Variants in LDB2 observed in about 807,000 individuals in gnomAD.
LDB2 encodes LIM domain binding 2, also known as LIM domain-binding protein 2.
In LDB2, 12 loss-of-function variants were observed where a neutral mutation model predicts 44.3. That is an observed-to-expected ratio of 0.27 (90% CI 0.17 to 0.44). The LOEUF (loss-of-function observed/expected upper bound fraction) is 0.44, where lower values mean the gene tolerates loss of function less well. Among genes scored for constraint, LDB2 ranks in the 20% least tolerant of loss-of-function variants. LDB2 has a pLI of 1.00. For missense variants in LDB2, 344 were observed against 473.5 expected (o/e 0.73, Z 2.54); for synonymous variants, 164 against 174.8 (o/e 0.94, Z 0.49).
Position 16,802,836 on chromosome 4 carries a change from G to T in LDB2, c.133-43576C>A, listed in dbSNP as rs200787540. Among the ~76,000 whole-genome samples the T allele has an allele frequency of 1.1e-4, 17 of 152,236 alleles. No individual in the cohort carries two copies. In the East Asian group the frequency reaches 2.7e-3, roughly 24 times the overall value. On this transcript the variant is annotated intron_variant, in intron 1 of 7. Transcript: ENST00000304523. ...GCTCTAAGGGCTCGTATTAGCTCCT[G>T]ACGACCAGGATCATTAATTTCAGAC...
chr4:16,684,808 G>A (rs1748815974), intron 2 of LDB2, among the ~76,000 whole-genome samples: 1 of 152,176 alleles, frequency 6.6e-6, no homozygotes, highest in Admixed American at 6.5e-5. Flanking sequence ...ATTAACTAAA[G>A]CAGGGGCTGG....
chr4:16,614,510 A>C (rs1192881054), intron 2 of LDB2, among the ~76,000 whole-genome samples: 3 of 151,838 alleles, frequency 2.0e-5, no homozygotes, highest in Non-Finnish European at 2.9e-5. Flanking sequence ...GAAGTTTTGC[A>C]ATCTATCCCT....
At chr4:16,639,317 G>A (rs548172868) in intron 2 of LDB2, among the ~76,000 whole-genome samples, 49 of 152,296 alleles carry the variant, frequency 3.2e-4, no homozygotes, top group African/African-American at 1.2e-3. Flanking sequence ...TAGCATGGGC[G>A]TGACTTGGCT....
At chr4:16,584,627 A>G (rs986603945) in intron 5 of LDB2, among the ~76,000 whole-genome samples, 1 of 152,200 alleles carries the variant, frequency 6.6e-6, no homozygotes, top group Admixed American at 6.5e-5. Flanking sequence ...ACCTCGAAAC[A>G]CTACTCCCTA....
intron 2 of LDB2, among the ~76,000 whole-genome samples, chr4:16,606,034 C>T (rs1025339502): frequency 6.6e-6 from 1 of 152,184 alleles, no homozygotes; most frequent in Admixed American, 6.5e-5. Context: ...CCACCCTATA[C>T]CCACCAATCT....
chr4:16,860,290 T>C (rs1193008517), intron 1 of LDB2, among the ~76,000 whole-genome samples: 1 of 152,230 alleles, frequency 6.6e-6, no homozygotes, highest in African/African-American at 2.4e-5. Context: ...GCACCATAAA[T>C]GCATTTTCAG....
chr4:16,618,428 C>T (rs1727959641), intron 2 of LDB2, among the ~76,000 whole-genome samples: 1 of 152,182 alleles, frequency 6.6e-6, no homozygotes, highest in Non-Finnish European at 1.5e-5. Context: ...TCAGGGCACC[C>T]AGCACCTAAT....
chr4:16,666,420 G>A (rs6449262), intron 2 of LDB2, among the ~76,000 whole-genome samples: 124,903 of 152,116 alleles, frequency 0.82, 51,478 homozygotes, highest in Middle Eastern at 0.91. Flanking sequence ...CCAAACTGCA[G>A]CCTCACAACG....
At chr4:16,875,259 T>A (rs9993651) in intron 1 of LDB2, among the ~76,000 whole-genome samples, 10,798 of 152,230 alleles carry the variant, frequency 0.071, 1,277 homozygotes, top group African/African-American at 0.24. Context: ...TTTCTGGGGC[T>A]GGCAAAATCT....
At chr4:16,717,192 T>G (rs554908732) in intron 2 of LDB2, among the ~76,000 whole-genome samples, 3 of 148,414 alleles carry the variant, frequency 2.0e-5, no homozygotes, top group South Asian at 2.2e-4. Context: ...ATAATAATGA[T>G]GATGAGGAGG....
In LDB2 at chr4:16,660,307, T is replaced by C. The variant is rs565741126; in HGVS notation, c.236-64432A>G. ...GGCTGAACACAAAACTCATATTTTG[T>C]ACTGGCCATCAAGGGGCCTTAGGCA... On this transcript the variant is annotated intron_variant, in intron 2 of 7. Transcript: ENST00000304523. Among the ~76,000 whole-genome samples the C allele has an allele frequency of 2.0e-5, 3 of 152,316 alleles. No individual in the cohort carries two copies. In the East Asian group the frequency reaches 5.8e-4, roughly 29 times the overall value.
chr4:16,628,129 G>A (rs1730819981), intron 2 of LDB2, among the ~76,000 whole-genome samples: 1 of 152,196 alleles, frequency 6.6e-6, no homozygotes, highest in Admixed American at 6.5e-5. Context: ...TGGGTGCAGT[G>A]AAACTGGATG....
chr4:16,575,422 A>G (rs1021594951), intron 5 of LDB2, among the ~76,000 whole-genome samples: 2 of 152,210 alleles, frequency 1.3e-5, no homozygotes, highest in Non-Finnish European at 2.9e-5. Flanking sequence ...GTAAGGAAAC[A>G]TTGAACTTAA....
intron 1 of LDB2, among the ~76,000 whole-genome samples, chr4:16,895,024 A>C (rs1484600948): frequency 5.9e-5 from 9 of 151,936 alleles, no homozygotes; most frequent in Non-Finnish European, 1.0e-4. Context: ...CGTAGTGCCA[A>C]CATGAAGAAC....
chr4:16,882,033 C>T (rs1720289680), intron 1 of LDB2, among the ~76,000 whole-genome samples: 2 of 152,202 alleles, frequency 1.3e-5, no homozygotes, highest in African/African-American at 4.8e-5. Context: ...TGTGAGTGTA[C>T]ATGTCTGTGC....
intron 1 of LDB2, among the ~76,000 whole-genome samples, chr4:16,827,242 C>G (rs1783224822): frequency 6.6e-6 from 1 of 152,090 alleles, no homozygotes; most frequent in South Asian, 2.1e-4. Flanking sequence ...CCACTCGGGG[C>G]AGCATTGCAG....
intron 7 of LDB2, chr4:16,506,982 T>C (rs1235303676): frequency 6.6e-6 from 1 of 152,178 alleles, no homozygotes; most frequent in Non-Finnish European, 1.5e-5. Context: ...GGCTCCTGTG[T>C]ACACTTTTTC....
chr4:16,670,211 C>G (rs1295496639), intron 2 of LDB2, among the ~76,000 whole-genome samples: 1 of 152,168 alleles, frequency 6.6e-6, no homozygotes, highest in Non-Finnish European at 1.5e-5. Flanking sequence ...GTAGTCAGTC[C>G]TCATGTAGAA....
chr4:16,659,689 A>ATATGTATG (rs1553947278), intron 2 of LDB2, among the ~76,000 whole-genome samples: 1 of 140,586 alleles, frequency 7.1e-6, no homozygotes, highest in Non-Finnish European at 1.5e-5. Flanking sequence ...ATATATATAT[A>ATATGTATG]TATGTATGTA....
Sources: gnomAD v4.1 joint callset for allele counts (sites outside exome capture counted in the v4.1 genomes callset) on GRCh38, gnomAD v4.1.1 for gene constraint, MANE v1.5 for transcripts, NCBI Gene and HGNC (gene_info 2026-07-23, HGNC 2026-07-21) for gene names.